Variants in SIK3 observed in about 807,000 individuals in gnomAD.
SIK3 encodes the protein SIK family kinase 3.
In SIK3, 28 loss-of-function variants were observed where a neutral mutation model predicts 144.2. The observed-to-expected ratio is 0.19, with a 90% CI of 0.14 to 0.27. The LOEUF is 0.27. Ranked by LOEUF, SIK3 falls within the 10% of genes least tolerant of loss-of-function variation. The pLI is 1.00. For synonymous variants in SIK3, 686 were observed against 676.3 expected (o/e 1.01, Z -0.22); for missense variants, 1,319 against 1,776.0 (o/e 0.74, Z 4.62).
At chr11:116,921,086 A>G (rs1350176909) in intron 4 of SIK3, among the ~76,000 whole-genome samples, 4 of 152,302 alleles carry the variant, frequency 2.6e-5, no homozygotes, top group African/African-American at 9.6e-5. Flanking sequence ...ATCCTTACAC[A>G]TCTCAGGCAA....
At chr11:116,882,653 T>C (rs1944607091) in intron 6 of SIK3, among the ~76,000 whole-genome samples, 1 of 152,130 alleles carries the variant, frequency 6.6e-6, no homozygotes, top group Non-Finnish European at 1.5e-5. Context: ...CAGAAAGGCT[T>C]TCTTGCAGGC....
chr11:117,036,113 T>A, intron 1 of SIK3: 1 of 578,790 alleles, frequency 1.7e-6, no homozygotes, highest in South Asian at 2.6e-5. Flanking sequence ...ATAGTCAAGG[T>A]CTCACTTTGT....
In SIK3 at chr11:116,848,304, G is replaced by A. The variant is rs189382397; in HGVS notation, c.3820-696C>T. 3.2e-3 allele frequency among the ~76,000 whole-genome samples: 488 copies of A among 152,212 alleles called. 2 individuals are homozygous for A. The highest frequency in any genetic ancestry group is 0.011 in the African/African-American group (448 of 41,508). Reference sequence around the variant, plus strand: ...GGAGCTTGCAGTGAGCCGAGATTGCGCCACTGCACTCCAACCTGGGTGACA... The same window carrying A: ...GGAGCTTGCAGTGAGCCGAGATTGCACCACTGCACTCCAACCTGGGTGACA... On this transcript the variant is annotated intron_variant, in intron 22 of 24. Coordinates refer to ENST00000445177, the MANE Select transcript of SIK3 (RefSeq NM_001366686.3).
chr11:116,904,636 G>A (rs1945927266), intron 4 of SIK3: 1 of 152,008 alleles, frequency 6.6e-6, no homozygotes, highest in Non-Finnish European at 1.5e-5. Flanking sequence ...ATTGAGATAA[G>A]GAATACGAAA....
At chr11:116,976,697 G>C (rs61677816) in intron 1 of SIK3, among the ~76,000 whole-genome samples, 265 of 152,328 alleles carry the variant, frequency 1.7e-3, no homozygotes, top group Middle Eastern at 6.8e-3. Context: ...CCCCCCTACA[G>C]GGCCTAGGAC....
intron 1 of SIK3, among the ~76,000 whole-genome samples, chr11:116,996,076 G>C (rs897237341): frequency 6.6e-6 from 1 of 152,182 alleles, no homozygotes; most frequent in African/African-American, 2.4e-5. Flanking sequence ...GGGAGGCCAA[G>C]GCAGGCAGAT....
At chr11:117,013,967 C>CCTTTTTTTTTTT (rs756680301) in intron 1 of SIK3, among the ~76,000 whole-genome samples, 2 of 7,374 alleles carry the variant, frequency 2.7e-4, no homozygotes, top group African/African-American at 7.1e-4. Context: ...TTCTTTTTTT[C>CCTTTTTTTTTTT]TTTTCTTTTT....
intron 1 of SIK3, among the ~76,000 whole-genome samples, chr11:117,068,593 C>G (rs968529829): frequency 2.0e-5 from 3 of 152,066 alleles, no homozygotes; most frequent in Non-Finnish European, 4.4e-5. Context: ...TAAAGTAATA[C>G]AAAAATTAGC....
chr11:117,090,744 T>C (rs1955207147), intron 1 of SIK3, among the ~76,000 whole-genome samples: 1 of 152,230 alleles, frequency 6.6e-6, no homozygotes, highest in Non-Finnish European at 1.5e-5. Flanking sequence ...GGCATCTGAC[T>C]AGCAGATTTA....
chr11:117,053,922 C>A (rs1220072489), intron 1 of SIK3, among the ~76,000 whole-genome samples: 1 of 152,098 alleles, frequency 6.6e-6, no homozygotes, highest in Admixed American at 6.6e-5. Flanking sequence ...GCTGGGATTA[C>A]AGATGTGAGC....
chr11:117,013,900 G>GT (rs1951379906), intron 1 of SIK3, among the ~76,000 whole-genome samples: 2 of 52,002 alleles, frequency 3.8e-5, no homozygotes, highest in African/African-American at 1.2e-4. Flanking sequence ...CAGATTCTGA[G>GT]GGGGGGGGGG....
Position 116,846,693 on chromosome 11 carries a change from A to AGGCC in SIK3, c.3953-144_3953-141dup, listed in dbSNP as rs1941990781. The AGGCC allele has an allele frequency of 1.1e-6, 1 of 891,546 alleles. No homozygotes were observed. The highest frequency in any genetic ancestry group is 1.7e-6 in the Non-Finnish European group (1 of 583,188). 55.2% of individuals were successfully genotyped at this position (891,546 alleles called of 1,614,324 possible). A position where few individuals can be genotyped will look rare whatever the true frequency, so the allele number is the denominator to read the frequency against. ...CCAGCCCTGAATTCTAGCTCACAGC[A>AGGCC]GGCCCTCAAGGTGTTGAGTGACGAT... On this transcript the variant is annotated intron_variant, in intron 23 of 24. Transcript: ENST00000445177. The surrounding 1 kb of genome is among the most constrained non-coding windows in gnomAD (Gnocchi z 4.1).
intron 1 of SIK3, among the ~76,000 whole-genome samples, chr11:116,969,289 C>CAAAAA (rs60102923): frequency 2.7e-5 from 2 of 73,596 alleles, no homozygotes; most frequent in Non-Finnish European, 5.0e-5. Context: ...GACTCCGTCT[C>CAAAAA]AAAAAAAAAA....
At position 116,843,441 on chromosome 11, in the gene SIK3, T is replaced by G. The variant is rs1244199955; in HGVS notation, c.*2202A>C. ...CTGGAGATTTTTTTTTTAATCCTTT[T>G]TAGTTCAACATAAAATGAGAAAGAA... is the stretch of plus-strand genomic sequence containing the variant. On this transcript the variant is annotated 3_prime_UTR_variant, in exon 25 of 25. Coordinates refer to ENST00000445177, the MANE Select transcript of SIK3 (RefSeq NM_001366686.3). 1.3e-5 allele frequency: 2 copies of G among 152,160 alleles called. No individual in the cohort carries two copies. The highest frequency in any genetic ancestry group is 2.9e-5 in the Non-Finnish European group (2 of 68,036). 9.4% of individuals were successfully genotyped at this position (152,160 alleles called of 1,614,324 possible).
intron 1 of SIK3, among the ~76,000 whole-genome samples, chr11:117,032,761 G>A (rs1952320117): frequency 6.6e-6 from 1 of 151,004 alleles, no homozygotes; most frequent in African/African-American, 2.4e-5. Context: ...TATCTGAGTA[G>A]TATTTTATTG....
chr11:116,857,602 A>C (rs2134383968), intron 21 of SIK3: 1 of 730,626 alleles, frequency 1.4e-6, no homozygotes, highest in South Asian at 2.2e-5. Context: ...ACTAAGTGTT[A>C]ATTTTGTATC....
At chr11:116,884,392 G>A (rs922360909) in intron 6 of SIK3, among the ~76,000 whole-genome samples, 7 of 145,386 alleles carry the variant, frequency 4.8e-5, no homozygotes, top group Non-Finnish European at 1.0e-4. Flanking sequence ...CTGTCGCCCA[G>A]GCTGGAGTGT....
At chr11:116,923,278 T>C (rs1412649045) in intron 4 of SIK3, among the ~76,000 whole-genome samples, 1 of 152,254 alleles carries the variant, frequency 6.6e-6, no homozygotes, top group East Asian at 1.9e-4. Context: ...TTCTTTCATA[T>C]ATAGTAGTTT....
chr11:116,888,117 G>A (rs1441405490), intron 6 of SIK3, among the ~76,000 whole-genome samples: 3 of 152,352 alleles, frequency 2.0e-5, no homozygotes, highest in African/African-American at 7.2e-5. Context: ...AACTTGGCTA[G>A]AAGCAGCTAC....
Sources: allele counts gnomAD v4.1 joint callset (sites outside exome capture counted in the v4.1 genomes callset), GRCh38; gene constraint gnomAD v4.1.1; non-coding constraint Gnocchi (gnomAD v3.1); transcripts MANE v1.5; gene names NCBI Gene and HGNC (gene_info 2026-07-23, HGNC 2026-07-21).